The following GRID1 variants were observed in gnomAD, a reference collection of about 807,000 sequenced individuals.
GRID1 encodes glutamate receptor ionotropic, delta-1.
GRID1 carries 28 observed loss-of-function variants against 98.0 expected under a neutral mutation model. That is an observed-to-expected ratio of 0.29 (90% CI 0.21 to 0.39). The LOEUF is 0.39. Among genes scored for constraint, GRID1 ranks in the 10% least tolerant of loss-of-function variants. GRID1 has a pLI of 1.00. For missense variants in GRID1, 1,111 were observed against 1,340.5 expected, an observed-to-expected ratio of 0.83 and a Z score of 2.67; for synonymous variants, 553 against 538.5, an observed-to-expected ratio of 1.03 and a Z score of -0.37.
intron 4 of GRID1, among the ~76,000 whole-genome samples, chr10:86,059,077 C>T (rs757667629): frequency 1.8e-4 from 28 of 152,104 alleles, no homozygotes; most frequent in Non-Finnish European, 3.7e-4. Flanking sequence ...AAAAGCATTC[C>T]AGCAGAGGAA....
At position 86,349,203 on chromosome 10, in the gene GRID1, A is replaced by G. The variant is rs145122214; in HGVS notation, c.235+14738T>C. ...CCTTTCCCCTGCCCTGGCCAGAAAG[A>G]GGCAGTGGCCAGGACCATGTCAGCC... On this transcript the variant is annotated intron_variant, in intron 2 of 15. Transcript: ENST00000327946. Among the ~76,000 whole-genome samples the G allele has an allele frequency of 8.3e-3, 1,267 of 152,298 alleles. 20 individuals carry two copies. The highest frequency in any genetic ancestry group is 0.029 in the African/African-American group (1,190 of 41,562).
chr10:85,634,317 A>C (rs1843012255), intron 13 of GRID1, among the ~76,000 whole-genome samples: 1 of 144,638 alleles, frequency 6.9e-6, no homozygotes, highest in Admixed American at 6.9e-5. Flanking sequence ...ACACACACAG[A>C]CTACAATTTC....
intron 4 of GRID1, among the ~76,000 whole-genome samples, chr10:86,116,145 C>G (rs1016457752): frequency 6.6e-5 from 10 of 152,146 alleles, no homozygotes; most frequent in African/African-American, 2.4e-4. Flanking sequence ...GTATCCTCAT[C>G]GTTAAGTGAT....
At chr10:85,609,471 A>C (rs1321979208) in intron 15 of GRID1, among the ~76,000 whole-genome samples, 1 of 152,260 alleles carries the variant, frequency 6.6e-6, no homozygotes, top group African/African-American at 2.4e-5. Flanking sequence ...AAAAATGTGC[A>C]GACTGGCAAA....
At chr10:86,067,576 AG>A (rs1204896940) in intron 4 of GRID1, among the ~76,000 whole-genome samples, 2 of 152,244 alleles carry the variant, frequency 1.3e-5, no homozygotes, top group Non-Finnish European at 2.9e-5. Flanking sequence ...AAAATAGGCA[AG>A]GGGAAGGTGA....
intron 4 of GRID1, among the ~76,000 whole-genome samples, chr10:86,118,083 G>C (rs1564680249): frequency 6.6e-6 from 1 of 151,994 alleles, no homozygotes; most frequent in Non-Finnish European, 1.5e-5. Context: ...AGTGAATTAA[G>C]AAAATGTGAG....
chr10:86,120,633 T>A (rs555395851), intron 4 of GRID1, among the ~76,000 whole-genome samples: 30 of 152,318 alleles, frequency 2.0e-4, no homozygotes, highest in African/African-American at 6.7e-4. Context: ...AATTCCATTA[T>A]CCTCACTAGA....
At chr10:85,793,587 C>A (rs1842500501) in intron 8 of GRID1, among the ~76,000 whole-genome samples, 1 of 152,182 alleles carries the variant, frequency 6.6e-6, no homozygotes, top group South Asian at 2.1e-4. Context: ...CCAGCCTCTT[C>A]AGGGTCTGAT....
chr10:85,658,229 C>G (rs944472901), intron 12 of GRID1, among the ~76,000 whole-genome samples: 1 of 152,172 alleles, frequency 6.6e-6, no homozygotes, highest in African/African-American at 2.4e-5. Flanking sequence ...CTTCCCTCTT[C>G]TCCTTCCTTT....
At chr10:86,301,013 C>A (rs1847678056) in intron 2 of GRID1, among the ~76,000 whole-genome samples, 1 of 152,234 alleles carries the variant, frequency 6.6e-6, no homozygotes, top group Non-Finnish European at 1.5e-5. Context: ...GGAGAAGTTG[C>A]TGAACCCTCT....
chr10:86,171,691 A>C (rs1256877716), intron 3 of GRID1, among the ~76,000 whole-genome samples: 3 of 152,238 alleles, frequency 2.0e-5, no homozygotes, highest in Non-Finnish European at 4.4e-5. Context: ...AAAAAGTTGG[A>C]GCAATATGAA....
At position 85,875,183 on chromosome 10, in the gene GRID1, G is replaced by T. The variant is rs4274165; in HGVS notation, c.781-6003C>A. 7.1e-3 allele frequency among the ~76,000 whole-genome samples: 1,078 copies of T among 152,118 alleles called. 16 individuals are homozygous for T. Among genetic ancestry groups the T allele is most frequent in the East Asian group, 0.053 (276 of 5,170 alleles). On this transcript the variant is annotated intron_variant, in intron 5 of 15. Coordinates refer to ENST00000327946, the MANE Select transcript of GRID1 (RefSeq NM_017551.3). ...GTCAGCTATCGTGCCTGGCCAGGGG[G>T]TTTTTTTATTCGTTACACACAGTAT...
At chr10:85,893,077 T>C (rs749190725) in intron 5 of GRID1, among the ~76,000 whole-genome samples, 28 of 152,150 alleles carry the variant, frequency 1.8e-4, no homozygotes, top group Non-Finnish European at 3.2e-4. Context: ...AGGTTGGTTT[T>C]ACACTTGAAA....
intron 4 of GRID1, among the ~76,000 whole-genome samples, chr10:86,074,398 C>T (rs924583883): frequency 6.6e-6 from 1 of 152,192 alleles, no homozygotes; most frequent in African/African-American, 2.4e-5. Flanking sequence ...TTCATTCCCA[C>T]ATATAAATGA....
intron 8 of GRID1, among the ~76,000 whole-genome samples, chr10:85,743,997 A>C (rs1841974496): frequency 6.6e-6 from 1 of 152,206 alleles, no homozygotes; most frequent in South Asian, 2.1e-4. Context: ...GGATTCAAAA[A>C]TAAAATATTT....
rs543922967 is a variant in GRID1 at position 86,013,894 on chromosome 10, T to C, written c.727-97655A>G. Reference sequence around the variant, plus strand: ...AGTTTTGTGGAAGCTCAGTGCTGTATGGTTTGTCAGAATGTACTCTGCAGA... The same window carrying C: ...AGTTTTGTGGAAGCTCAGTGCTGTACGGTTTGTCAGAATGTACTCTGCAGA... On this transcript the variant is annotated intron_variant, in intron 4 of 15. Transcript: ENST00000327946. 2.6e-5 allele frequency among the ~76,000 whole-genome samples: 4 copies of C among 152,318 alleles called. No individual in the cohort carries two copies. The East Asian group carries it at 7.7e-4, about 29-fold the overall frequency.
At chr10:86,024,122 T>A (rs1486871547) in intron 4 of GRID1, among the ~76,000 whole-genome samples, 1 of 152,162 alleles carries the variant, frequency 6.6e-6, no homozygotes, top group African/African-American at 2.4e-5. Flanking sequence ...AAGGGCCCCA[T>A]GAGCCATGAC....
At chr10:86,171,136 C>T (rs1230566748) in intron 3 of GRID1, among the ~76,000 whole-genome samples, 4 of 152,164 alleles carry the variant, frequency 2.6e-5, no homozygotes, top group Non-Finnish European at 2.9e-5. Context: ...CTGTATTTTT[C>T]GAAACTTCCC....
At chr10:85,879,103 G>A (rs1447930688) in intron 5 of GRID1, among the ~76,000 whole-genome samples, 1 of 152,136 alleles carries the variant, frequency 6.6e-6, no homozygotes, top group African/African-American at 2.4e-5. Flanking sequence ...CAATACAGGA[G>A]CATCCAGATT....
Sources: allele counts gnomAD v4.1 joint callset (sites outside exome capture counted in the v4.1 genomes callset), GRCh38; gene constraint gnomAD v4.1.1; transcripts MANE v1.5; gene names NCBI Gene and HGNC (gene_info 2026-07-23, HGNC 2026-07-21).